CDH9: variants seen among roughly 807,000 people sequenced by gnomAD.
CDH9 encodes cadherin-9.
CDH9 carries 28 observed loss-of-function variants against 70.9 expected under a neutral mutation model. That is an observed-to-expected ratio of 0.40 (90% CI 0.29 to 0.54). The LOEUF is 0.54. Among genes scored for constraint, CDH9 ranks in the 20% least tolerant of loss-of-function variants. The pLI is 0.59. For missense variants in CDH9, 874 were observed against 984.4 expected (o/e 0.89, Z 1.50); for synonymous variants, 409 against 343.1 (o/e 1.19, Z -2.12).
intron 7 of CDH9, among the ~76,000 whole-genome samples, chr5:26,899,736 G>T (rs751836636): frequency 5.9e-5 from 9 of 151,928 alleles, no homozygotes; most frequent in Non-Finnish European, 1.0e-4. Flanking sequence ...GGGAGCTAGG[G>T]GAGGGATAGC....
chr5:26,962,812 C>T (rs1041537772), intron 2 of CDH9, among the ~76,000 whole-genome samples: 1 of 152,020 alleles, frequency 6.6e-6, no homozygotes, highest in African/African-American at 2.4e-5. Context: ...GTGCTGCCTT[C>T]CCGTCAGATA....
At chr5:26,959,672 T>A (rs1026665107) in intron 2 of CDH9, among the ~76,000 whole-genome samples, 1 of 152,034 alleles carries the variant, frequency 6.6e-6, no homozygotes, top group African/African-American at 2.4e-5. Context: ...TTACTCAACC[T>A]TAAAAATAAA....
chr5:26,977,138 A>C (rs2112079746), intron 2 of CDH9, among the ~76,000 whole-genome samples: 1 of 152,062 alleles, frequency 6.6e-6, no homozygotes, highest in East Asian at 1.9e-4. Context: ...CCATTATGAC[A>C]ATTTCTAACT....
At chr5:26,901,561 G>T (rs961293704) in intron 7 of CDH9, among the ~76,000 whole-genome samples, 1 of 151,772 alleles carries the variant, frequency 6.6e-6, no homozygotes, top group Admixed American at 6.6e-5. Flanking sequence ...AACATGAAAA[G>T]AATTTAACCA....
chr5:26,883,463 A>T (rs974816877), intron 11 of CDH9, among the ~76,000 whole-genome samples: 1 of 151,970 alleles, frequency 6.6e-6, no homozygotes, highest in Non-Finnish European at 1.5e-5. Flanking sequence ...AGGATAAGAA[A>T]TGAAAAAAAG....
rs867854578 is a variant in CDH9, at chr5:27,020,747, C to A, written c.-50+17716G>T. Among the ~76,000 whole-genome samples, 620 of 137,706 alleles carry A rather than the reference C, an allele frequency of 4.5e-3. 3 individuals are homozygous for A. Among genetic ancestry groups the A allele is most frequent in the African/African-American group, 0.014 (518 of 38,080 alleles). The allele number at this position is 137,706 out of a possible 152,430, so 90.3% of individuals were successfully genotyped here. A position where few individuals can be genotyped will look rare whatever the true frequency, so the allele number is the denominator to read the frequency against. On this transcript the variant is annotated intron_variant, in intron 1 of 11. Coordinates refer to ENST00000231021, the MANE Select transcript of CDH9 (RefSeq NM_016279.4). ...ACACACGCACACACACACACACACA[C>A]TATATATATATATATATGCCTAGTG... is the stretch of plus-strand genomic sequence containing the variant.
intron 2 of CDH9, among the ~76,000 whole-genome samples, chr5:26,943,536 C>G (rs997395572): frequency 6.7e-6 from 1 of 149,130 alleles, no homozygotes; most frequent in African/African-American, 2.5e-5. Context: ...AAAGCTAACT[C>G]AGGAATCTCA....
chr5:27,035,560 A>G, intron 1 of CDH9, among the ~76,000 whole-genome samples: 1 of 151,700 alleles, frequency 6.6e-6, no homozygotes, highest in East Asian at 1.9e-4. Context: ...CTTTAAGAAA[A>G]TTTAACTTTA....
At position 27,037,111 on chromosome 5, in the gene CDH9, G is replaced by A. The variant is rs376278292; in HGVS notation, c.-50+1352C>T. On this transcript the variant is annotated intron_variant, in intron 1 of 11. Transcript: ENST00000231021. ...GTAGGAGGAGGTTTTTTACAAAATT[G>A]AGAATCTTGAATAATCAAATTCATT... Among the ~76,000 whole-genome samples, 5 of 152,020 alleles carry A rather than the reference G, an allele frequency of 3.3e-5. No individual in the cohort carries two copies. The East Asian group carries it at 9.7e-4, about 30-fold the overall frequency.
intron 1 of CDH9, among the ~76,000 whole-genome samples, chr5:27,035,671 T>A (rs1003811170): frequency 7.4e-6 from 1 of 135,900 alleles, no homozygotes; most frequent in Admixed American, 7.4e-5. Flanking sequence ...AATATTGCTA[T>A]TGACGTGTGT....
At chr5:26,950,185 T>C (rs1741820150) in intron 2 of CDH9, among the ~76,000 whole-genome samples, 1 of 152,148 alleles carries the variant, frequency 6.6e-6, no homozygotes, top group African/African-American at 2.4e-5. Context: ...AGTAAGACAC[T>C]CACACTGGAA....
At chr5:26,971,146 G>A (rs1742212713) in intron 2 of CDH9, among the ~76,000 whole-genome samples, 1 of 152,022 alleles carries the variant, frequency 6.6e-6, no homozygotes, top group Non-Finnish European at 1.5e-5. Flanking sequence ...TCTACTTCTA[G>A]CCTTGACCAG....
rs139648613 is a variant in CDH9 at position 26,948,514 on chromosome 5, A to G, written c.229-32590T>C. Among the ~76,000 whole-genome samples the G allele has an allele frequency of 4.3e-3, 660 of 152,332 alleles. 4 individuals are homozygous for G. Among genetic ancestry groups the G allele is most frequent in the African/African-American group, 0.015 (617 of 41,572 alleles). On this transcript the variant is annotated intron_variant, in intron 2 of 11. Transcript: ENST00000231021. ...CTAACTCTATGGGTTACGAATATGCAACATGTGGCACTACCACTAGTTCTT... is the reference window on the plus strand; with the variant it reads ...CTAACTCTATGGGTTACGAATATGCGACATGTGGCACTACCACTAGTTCTT...
At chr5:26,918,847 C>T (rs776614661) in intron 2 of CDH9, among the ~76,000 whole-genome samples, 8 of 152,180 alleles carry the variant, frequency 5.3e-5, no homozygotes, top group Admixed American at 2.0e-4. Context: ...CCTGGGTCTT[C>T]AGCTTGCCAA....
At chr5:27,004,212 A>G (rs1259362567) in intron 1 of CDH9, among the ~76,000 whole-genome samples, 7 of 151,938 alleles carry the variant, frequency 4.6e-5, no homozygotes, top group African/African-American at 1.4e-4. Context: ...CAATGGGAAC[A>G]GCATTCCAGA....
At chr5:26,922,751 C>A (rs563957488) in intron 2 of CDH9, among the ~76,000 whole-genome samples, 1 of 151,706 alleles carries the variant, frequency 6.6e-6, no homozygotes, top group Non-Finnish European at 1.5e-5. Context: ...CATATCTTGA[C>A]TAGAAAGATA....
chr5:26,959,253 A>C (rs895193272), intron 2 of CDH9, among the ~76,000 whole-genome samples: 1 of 152,148 alleles, frequency 6.6e-6, no homozygotes, highest in African/African-American at 2.4e-5. Flanking sequence ...ACATATAAAA[A>C]ATGCTCTATG....
At chr5:26,897,562 A>T (rs766750822) in intron 7 of CDH9, among the ~76,000 whole-genome samples, 3 of 152,198 alleles carry the variant, frequency 2.0e-5, no homozygotes, top group Non-Finnish European at 4.4e-5. Flanking sequence ...AGCCAATGAC[A>T]AAAACCACAT....
At chr5:27,002,927 A>G (rs916617877) in intron 1 of CDH9, among the ~76,000 whole-genome samples, 3 of 152,068 alleles carry the variant, frequency 2.0e-5, no homozygotes, top group Non-Finnish European at 4.4e-5. Context: ...ATAAAAAAAG[A>G]TAAAAATAAA....
Sources: allele counts gnomAD v4.1 joint callset (sites outside exome capture counted in the v4.1 genomes callset), GRCh38; gene constraint gnomAD v4.1.1; transcripts MANE v1.5; gene names NCBI Gene and HGNC (gene_info 2026-07-23, HGNC 2026-07-21).